Variants in DPP10 observed in about 807,000 individuals in gnomAD.
DPP10 encodes dipeptidyl peptidase like 10.
In DPP10, 33 loss-of-function variants were observed where a neutral mutation model predicts 120.9. That is an observed-to-expected ratio of 0.27 (90% CI 0.21 to 0.37). DPP10 has a LOEUF of 0.37. Ranked by LOEUF, DPP10 falls within the 10% of genes least tolerant of loss-of-function variation. The pLI is 1.00. For missense variants in DPP10, 816 were observed against 942.8 expected, an observed-to-expected ratio of 0.87 and a Z score of 1.76; for synonymous variants, 337 against 326.1, an observed-to-expected ratio of 1.03 and a Z score of -0.36.
intron 7 of DPP10, among the ~76,000 whole-genome samples, chr2:115,696,767 TA>T (rs1393310526): frequency 6.6e-6 from 1 of 152,214 alleles, no homozygotes; most frequent in Non-Finnish European, 1.5e-5. Context: ...CTACTTAATT[TA>T]AAAAGCTAAG....
chr2:115,199,482 T>G (rs2055532639), intron 1 of DPP10, among the ~76,000 whole-genome samples: 1 of 152,140 alleles, frequency 6.6e-6, no homozygotes, highest in African/African-American at 2.4e-5. Flanking sequence ...CTTTCTACAT[T>G]AAGGGACTTT....
intron 17 of DPP10, among the ~76,000 whole-genome samples, chr2:115,787,115 C>A (rs1354990568): frequency 6.6e-6 from 1 of 152,174 alleles, no homozygotes; most frequent in Non-Finnish European, 1.5e-5. Context: ...TTGAAATGGT[C>A]AACCTGCCTG....
At chr2:114,653,312 T>C (rs1464565048) in intron 1 of DPP10, among the ~76,000 whole-genome samples, 1 of 152,082 alleles carries the variant, frequency 6.6e-6, no homozygotes, top group Non-Finnish European at 1.5e-5. Context: ...CCTGTAGCCC[T>C]AGAAGCCTCC....
At position 114,840,675 on chromosome 2, in the gene DPP10, G is replaced by A. The variant is rs565697445; in HGVS notation, c.60+397837G>A. On this transcript the variant is annotated intron_variant, in intron 1 of 25. Coordinates refer to ENST00000410059, the MANE Select transcript of DPP10 (RefSeq NM_020868.6). ...TTGTCATTCTATTAAGTTAGAAGTT[G>A]ACTGTTGTACTGCCTCCTCCAACTG... Among the ~76,000 whole-genome samples, 5 of 152,268 alleles carry A rather than the reference G, an allele frequency of 3.3e-5. No individual in the cohort carries two copies. In the East Asian group the frequency reaches 9.7e-4, roughly 29 times the overall value.
intron 5 of DPP10, chr2:115,579,356 C>T (rs2081880635): frequency 6.6e-6 from 1 of 152,194 alleles, no homozygotes; most frequent in African/African-American, 2.4e-5. Flanking sequence ...TATTGAAAAC[C>T]TACTTCGTGC....
At chr2:115,259,276 G>T (rs987318633) in intron 1 of DPP10, among the ~76,000 whole-genome samples, 29 of 152,146 alleles carry the variant, frequency 1.9e-4, no homozygotes, top group African/African-American at 6.5e-4. Context: ...GAGATTGGGA[G>T]TTCGAGACCA....
chr2:115,815,128 AT>A lies in DPP10; in HGVS notation c.1895+151del, dbSNP rs201073818. The A allele has an allele frequency of 8.9e-3, 6,384 of 716,422 alleles. 3 individuals are homozygous for A. Among genetic ancestry groups the A allele is most frequent in the South Asian group, 0.011 (240 of 22,216 alleles). The allele number at this position is 716,422 out of a possible 1,614,324, so 44.4% of individuals were successfully genotyped here. ...GTAAGTTAATCATAAAGCCTATTTCATTTTTTTTTTGAAGTACCTGTCACCC... is the reference window on the plus strand; with the variant it reads ...GTAAGTTAATCATAAAGCCTATTTCATTTTTTTTTGAAGTACCTGTCACCC... On this transcript the variant is annotated intron_variant, in intron 20 of 25. Coordinates refer to ENST00000410059, the MANE Select transcript of DPP10 (RefSeq NM_020868.6).
intron 1 of DPP10, among the ~76,000 whole-genome samples, chr2:114,850,004 CTCCCT>C (rs1185952330): frequency 2.7e-5 from 4 of 148,840 alleles, no homozygotes; most frequent in South Asian, 2.2e-4. Flanking sequence ...ATCCCCTCCC[CTCCCT>C]TCCCTTCCCT....
chr2:115,182,668 G>T (rs984577747), intron 1 of DPP10, among the ~76,000 whole-genome samples: 4 of 151,756 alleles, frequency 2.6e-5, no homozygotes, highest in African/African-American at 9.7e-5. Context: ...TATAACCCTA[G>T]TCATGACAAG....
At chr2:115,109,985 A>C (rs1361823870) in intron 1 of DPP10, among the ~76,000 whole-genome samples, 1 of 152,258 alleles carries the variant, frequency 6.6e-6, no homozygotes, top group Non-Finnish European at 1.5e-5. Context: ...TAAGTAACTT[A>C]GCAAGTATGA....
intron 1 of DPP10, among the ~76,000 whole-genome samples, chr2:114,610,032 C>T (rs1693154580): frequency 6.6e-6 from 1 of 152,182 alleles, no homozygotes; most frequent in Non-Finnish European, 1.5e-5. Flanking sequence ...ATGTTCGTAT[C>T]TGTTTCACGC....
intron 2 of DPP10, among the ~76,000 whole-genome samples, chr2:115,332,195 T>G (rs1184505164): frequency 2.0e-5 from 3 of 152,242 alleles, no homozygotes; most frequent in Non-Finnish European, 2.9e-5. Context: ...CTTCTAGATT[T>G]TCTAGTTTAT....
chr2:115,462,444 A>G (rs1201371192), intron 3 of DPP10, among the ~76,000 whole-genome samples: 2 of 152,052 alleles, frequency 1.3e-5, no homozygotes, highest in African/African-American at 2.4e-5. Flanking sequence ...ATCTTTTACT[A>G]ATTTCCCATT....
chr2:114,704,750 G>A (rs896358248), intron 1 of DPP10, among the ~76,000 whole-genome samples: 6 of 152,100 alleles, frequency 3.9e-5, no homozygotes, highest in Admixed American at 6.6e-5. Context: ...GGGGGGTTAT[G>A]GACTGAATTG....
At chr2:115,615,579 A>T (rs1046216817) in intron 5 of DPP10, among the ~76,000 whole-genome samples, 2 of 152,228 alleles carry the variant, frequency 1.3e-5, no homozygotes, top group African/African-American at 4.8e-5. Flanking sequence ...TAAGAAAAAA[A>T]GCAGAGCAAA....
chr2:114,739,180 A>AG (rs1677775174), intron 1 of DPP10, among the ~76,000 whole-genome samples: 2 of 152,236 alleles, frequency 1.3e-5, no homozygotes, highest in South Asian at 4.1e-4. Context: ...AATCTAAATA[A>AG]GGGAATTACC....
chr2:115,093,728 A>AT (rs1709476796), intron 1 of DPP10, among the ~76,000 whole-genome samples: 1 of 152,082 alleles, frequency 6.6e-6, no homozygotes, highest in Non-Finnish European at 1.5e-5. Flanking sequence ...ATATATGCAG[A>AT]GACACACACA....
At chr2:114,518,978 G>A (rs776878816) in intron 1 of DPP10, among the ~76,000 whole-genome samples, 2 of 152,134 alleles carry the variant, frequency 1.3e-5, no homozygotes, top group African/African-American at 2.4e-5. Flanking sequence ...GTTTTTATCT[G>A]TTAGGCTTTA....
At position 114,934,016 on chromosome 2, in the gene DPP10, G is replaced by A. The variant is rs528960457; in HGVS notation, c.61-375223G>A. ...TTATTCTGAAACAGAAAACTTAGAC[G>A]TTCTGCCTACTAATGCTATTATTTT... On this transcript the variant is annotated intron_variant, in intron 1 of 25. Transcript: ENST00000410059. 2.6e-5 allele frequency among the ~76,000 whole-genome samples: 4 copies of A among 152,212 alleles called. No homozygotes were observed. The South Asian group carries it at 6.2e-4, about 24-fold the overall frequency.
Sources: allele counts gnomAD v4.1 joint callset (sites outside exome capture counted in the v4.1 genomes callset), GRCh38; gene constraint gnomAD v4.1.1; transcripts MANE v1.5; gene names NCBI Gene and HGNC (gene_info 2026-07-23, HGNC 2026-07-21).